Variants in SYNE2 observed in about 807,000 individuals in gnomAD.
SYNE2 encodes nesprin-2.
A neutral mutation model predicts 856.3 loss-of-function variants in SYNE2; 431 were observed. That is an observed-to-expected ratio of 0.50 (90% CI 0.47 to 0.55). The LOEUF is 0.55. SYNE2 is among the 20% of genes least tolerant of loss of function. SYNE2 has a pLI of 0.00. For synonymous variants in SYNE2, 2,923 were observed against 2,872.3 expected (o/e 1.02, Z -0.56); for missense variants, 8,129 against 8,023.2 (o/e 1.01, Z -0.50).
At chr14:63,862,351 A>T (rs1893969742) in intron 1 of SYNE2, among the ~76,000 whole-genome samples, 1 of 152,136 alleles carries the variant, frequency 6.6e-6, no homozygotes, top group Admixed American at 6.5e-5. Context: ...TGGTGTGATT[A>T]TGGCTTATTG....
At position 63,960,609 on chromosome 14, in the gene SYNE2, T is replaced by G. The variant is rs1050053356; in HGVS notation, c.788-916T>G. The G allele has an allele frequency of 3.2e-5, 11 of 344,370 alleles. 1 individual carries two copies. Among genetic ancestry groups the G allele is most frequent in the Non-Finnish European group, 4.9e-5 (9 of 183,160 alleles). 21.3% of individuals were successfully genotyped at this position (344,370 alleles called of 1,614,324 possible). A position where few individuals can be genotyped will look rare whatever the true frequency, so the allele number is the denominator to read the frequency against. On this transcript the variant is annotated intron_variant, in intron 8 of 115. Transcript: ENST00000555002. Reference sequence around the variant, plus strand: ...TAATTAATAAATAAACAGTGAAGTGTTTTTTTTTTTCCAATAATCTTCATT... The same window carrying G: ...TAATTAATAAATAAACAGTGAAGTGGTTTTTTTTTTCCAATAATCTTCATT...
intron 1 of SYNE2, among the ~76,000 whole-genome samples, chr14:63,860,954 G>T (rs1206464677): frequency 6.6e-6 from 1 of 152,138 alleles, no homozygotes; most frequent in Admixed American, 6.6e-5. Flanking sequence ...CAGGGACCAG[G>T]AGCAGCCAAC....
intron 84 of SYNE2, among the ~76,000 whole-genome samples, chr14:64,148,976 CTT>C (rs59999990): frequency 1.5e-4 from 21 of 141,600 alleles, no homozygotes; most frequent in African/African-American, 4.9e-4. Flanking sequence ...GTTAATTTCT[CTT>C]TTTTTTTTTT....
intron 97 of SYNE2, 103 bp downstream of exon 97, chr14:64,186,682 C>A: frequency 6.6e-7 from 1 of 1,512,094 alleles, no homozygotes; most frequent in Non-Finnish European, 9.1e-7. Context: ...AACCGGAGGC[C>A]CTTTTCAGTG....
intron 1 of SYNE2, 96 bp downstream of exon 1, chr14:63,853,239 C>T (rs1036049176): frequency 2.0e-5 from 3 of 149,552 alleles, no homozygotes; most frequent in African/African-American, 4.9e-5. Context: ...GGAAAGGTCT[C>T]TGAGCCGGGG....
intron 1 of SYNE2, among the ~76,000 whole-genome samples, chr14:63,766,779 C>T (rs1041190570): frequency 6.6e-6 from 1 of 152,132 alleles, no homozygotes; most frequent in Non-Finnish European, 1.5e-5. Context: ...TAAAGAAAAC[C>T]TCTCTGGGGA....
Position 63,967,564 on chromosome 14 carries a change from C to G in SYNE2, c.991-145C>G, listed in dbSNP as rs1334965513. On this transcript the variant is annotated intron_variant, in intron 10 of 115. Coordinates refer to ENST00000555002, the MANE Select transcript of SYNE2 (RefSeq NM_182914.3). ...AGTGCACTGAAGAAGGAAACCAGAG[C>G]AGAGAGAGGATACTGGATTCAGGGG... 9.5e-6 allele frequency: 7 copies of G among 740,504 alleles called. No homozygotes were observed. The Admixed American group carries it at 1.6e-4, about 17-fold the overall frequency. The allele number at this position is 740,504 out of a possible 1,614,324, so 45.9% of individuals were successfully genotyped here. A position where few individuals can be genotyped will look rare whatever the true frequency, so the allele number is the denominator to read the frequency against.
chr14:64,134,964 G>A lies in SYNE2; in HGVS notation c.14646+764G>A, dbSNP rs555812535. Among the ~76,000 whole-genome samples the A allele has an allele frequency of 4.6e-5, 7 of 152,242 alleles. No individual in the cohort carries two copies. In the East Asian group the frequency reaches 1.4e-3, roughly 29 times the overall value. On this transcript the variant is annotated intron_variant, in intron 78 of 115. Transcript: ENST00000555002. ...ATCATGCCATTGCGCTCCAGCCTGGGTGACAGAGCGAGACTCCATCTCAAA... is the reference window on the plus strand; with the variant it reads ...ATCATGCCATTGCGCTCCAGCCTGGATGACAGAGCGAGACTCCATCTCAAA...
rs374470419 is a variant in SYNE2, at chr14:64,183,088, T to A, written c.17557-3336T>A. Among the ~76,000 whole-genome samples the A allele has an allele frequency of 4.2e-4, 60 of 142,516 alleles. No individual in the cohort carries two copies. The East Asian group carries it at 0.012, about 28-fold the overall frequency. 93.5% of individuals were successfully genotyped at this position (142,516 alleles called of 152,430 possible). A position where few individuals can be genotyped will look rare whatever the true frequency, so the allele number is the denominator to read the frequency against. ...CTCCTCACTTCCCGGACGGGGCGGC[T>A]GCCGGGCGGAGGGGCTCCTCACTTC... is the stretch of plus-strand genomic sequence containing the variant. On this transcript the variant is annotated intron_variant, in intron 96 of 115. Transcript: ENST00000555002.
intron 1 of SYNE2, among the ~76,000 whole-genome samples, chr14:63,801,311 C>T (rs1003597525): frequency 6.6e-6 from 1 of 152,216 alleles, no homozygotes; most frequent in Non-Finnish European, 1.5e-5. Context: ...CAAATCTCCA[C>T]TAAAGAACTT....
At chr14:63,785,135 T>C (rs899468757) in intron 1 of SYNE2, among the ~76,000 whole-genome samples, 3 of 152,146 alleles carry the variant, frequency 2.0e-5, no homozygotes, top group South Asian at 4.1e-4. Context: ...TGGGAAAATA[T>C]ATCCCACCTT....
intron 96 of SYNE2, among the ~76,000 whole-genome samples, chr14:64,179,004 T>C (rs1463834735): frequency 1.3e-5 from 2 of 152,116 alleles, no homozygotes; most frequent in East Asian, 1.9e-4. Flanking sequence ...TTGAGCCCAG[T>C]AGGTCGAGGA....
chr14:63,871,483 C>T (rs1896836604), intron 1 of SYNE2, among the ~76,000 whole-genome samples: 1 of 151,980 alleles, frequency 6.6e-6, no homozygotes. Context: ...GCTGGGATTA[C>T]AGGCATGAGC....
At chr14:64,013,812 T>C (rs182769192) in intron 32 of SYNE2, among the ~76,000 whole-genome samples, 179 of 152,258 alleles carry the variant, frequency 1.2e-3, no homozygotes, top group Non-Finnish European at 2.0e-3. Flanking sequence ...TTAGCCTTTA[T>C]TTTGAGATAA....
At chr14:63,938,040 T>C (rs1208855422) in intron 2 of SYNE2, among the ~76,000 whole-genome samples, 1 of 152,126 alleles carries the variant, frequency 6.6e-6, no homozygotes, top group Non-Finnish European at 1.5e-5. Context: ...TGACAAAGTC[T>C]GGAGTATGAC....
At position 63,904,794 on chromosome 14, in the gene SYNE2, G is replaced by A. The variant is rs192747736; in HGVS notation, c.-51-4304G>A. 8.6e-5 allele frequency among the ~76,000 whole-genome samples: 13 copies of A among 152,008 alleles called. No individual in the cohort carries two copies. In the South Asian group the frequency reaches 1.2e-3, roughly 15 times the overall value. On this transcript the variant is annotated intron_variant, in intron 1 of 115. Coordinates refer to ENST00000555002, the MANE Select transcript of SYNE2 (RefSeq NM_182914.3). ...CTTTGTTGATAGTTTCTTTTGCTGC[G>A]CAGGAACTCTTTAATTAGATCCCAT... is the stretch of plus-strand genomic sequence containing the variant.
chr14:63,789,517 C>T (rs760146101), intron 1 of SYNE2, among the ~76,000 whole-genome samples: 2 of 152,152 alleles, frequency 1.3e-5, no homozygotes, highest in Non-Finnish European at 2.9e-5. Flanking sequence ...CGCAGTGGCT[C>T]AGACCTGCCA....
At chr14:63,873,950 G>A (rs1002928161) in intron 1 of SYNE2, 1 of 152,232 alleles carries the variant, frequency 6.6e-6, no homozygotes, top group Non-Finnish European at 1.5e-5. Flanking sequence ...ACTTGACAGA[G>A]GTACATAGGA....
At chr14:63,880,166 C>G (rs2094826541) in intron 1 of SYNE2, among the ~76,000 whole-genome samples, 1 of 152,188 alleles carries the variant, frequency 6.6e-6, no homozygotes, top group Admixed American at 6.5e-5. Context: ...TCTTGGCTCA[C>G]TGCAACCTCC....
Sources: gnomAD v4.1 joint callset for allele counts (sites outside exome capture counted in the v4.1 genomes callset) on GRCh38, gnomAD v4.1.1 for gene constraint, MANE v1.5 for transcripts, NCBI Gene and HGNC (gene_info 2026-07-23, HGNC 2026-07-21) for gene names.